MYO1D: variants seen among roughly 807,000 people sequenced by gnomAD.
MYO1D encodes the protein unconventional myosin-Id.
Under a neutral mutation model 122.0 loss-of-function variants are expected in MYO1D, and 83 were observed. The observed-to-expected ratio is 0.68, with a 90% confidence interval of 0.57 to 0.82. The LOEUF is 0.82. MYO1D is among the 40% of genes least tolerant of loss of function. The probability of loss-of-function intolerance (pLI) is 0.00; values close to 1 mark genes in which losing one functional copy is unlikely to be tolerated. For synonymous variants in MYO1D, 464 were observed against 446.9 expected (o/e 1.04, Z -0.48); for missense variants, 1,157 against 1,269.5 (o/e 0.91, Z 1.35).
At chr17:32,778,596 G>T in intron 2 of MYO1D, 23 bp from the exon 3 acceptor site, 1 of 1,573,108 alleles carries the variant, frequency 6.4e-7, no homozygotes, top group Non-Finnish European at 8.7e-7. Flanking sequence ...ATTGTTCAGG[G>T]CTTAACATAA....
At chr17:32,676,376 A>ATT (rs2088809587) in intron 16 of MYO1D, among the ~76,000 whole-genome samples, 1 of 147,454 alleles carries the variant, frequency 6.8e-6, no homozygotes, top group Non-Finnish European at 1.5e-5. Context: ...TGTCCATAAC[A>ATT]TGTTCATTAC....
At chr17:32,496,455 A>G (rs563751509) in intron 21 of MYO1D, among the ~76,000 whole-genome samples, 2 of 152,334 alleles carry the variant, frequency 1.3e-5, no homozygotes, top group Admixed American at 1.3e-4. Flanking sequence ...ATTTTTAACC[A>G]GACTTGGACA....
intron 1 of MYO1D, among the ~76,000 whole-genome samples, chr17:32,864,158 C>G (rs1257455835): frequency 6.6e-6 from 1 of 151,508 alleles, no homozygotes; most frequent in Non-Finnish European, 1.5e-5. Context: ...CCTTGGAACC[C>G]CACTATGCAG....
chr17:32,668,002 A>G (rs912443097), intron 16 of MYO1D, among the ~76,000 whole-genome samples: 1 of 152,236 alleles, frequency 6.6e-6, no homozygotes, highest in African/African-American at 2.4e-5. Flanking sequence ...CAGACAAATG[A>G]AAATAAAATT....
intron 21 of MYO1D, among the ~76,000 whole-genome samples, chr17:32,532,341 A>C (rs948110402): frequency 6.6e-6 from 1 of 152,248 alleles, no homozygotes; most frequent in African/African-American, 2.4e-5. Context: ...AGAAATTAAA[A>C]TATTCTTTGT....
At chr17:32,818,109 G>C (rs1307314053) in intron 1 of MYO1D, among the ~76,000 whole-genome samples, 1 of 63,370 alleles carries the variant, frequency 1.6e-5, no homozygotes, top group Non-Finnish European at 3.4e-5. Flanking sequence ...CTGGGCGACA[G>C]AGCGAGACTC....
At chr17:32,602,442 T>C (rs1258421688) in intron 21 of MYO1D, 3 of 152,226 alleles carry the variant, frequency 2.0e-5, no homozygotes, top group Non-Finnish European at 2.9e-5. Context: ...TTTGATCCTT[T>C]TGGGTCTTGC....
chr17:32,542,719 C>T (rs942938706), intron 21 of MYO1D, among the ~76,000 whole-genome samples: 32 of 151,906 alleles, frequency 2.1e-4, no homozygotes, highest in African/African-American at 7.7e-4. Context: ...ATTTCCTGAT[C>T]AATATATGAA....
chr17:32,765,639 T>A (rs1352486332), intron 7 of MYO1D, among the ~76,000 whole-genome samples: 1 of 152,074 alleles, frequency 6.6e-6, no homozygotes, highest in South Asian at 2.1e-4. Context: ...TTTGTATTTT[T>A]AGTAGAGACA....
intron 16 of MYO1D, among the ~76,000 whole-genome samples, chr17:32,678,870 C>A (rs922197382): frequency 2.0e-5 from 3 of 151,146 alleles, no homozygotes; most frequent in African/African-American, 4.9e-5. Context: ...TTTACAGTCC[C>A]ACCAACAGTG....
At chr17:32,520,274 T>C (rs1383783867) in intron 21 of MYO1D, among the ~76,000 whole-genome samples, 5 of 152,168 alleles carry the variant, frequency 3.3e-5, no homozygotes, top group African/African-American at 1.2e-4. Context: ...CTGAGGGTGA[T>C]GGACCCTGCC....
chr17:32,626,658 A>G (rs2087931571), intron 20 of MYO1D, among the ~76,000 whole-genome samples: 1 of 152,224 alleles, frequency 6.6e-6, no homozygotes, highest in South Asian at 2.1e-4. Flanking sequence ...ATTAAAAAAA[A>G]GAAAGCAGTT....
At chr17:32,504,448 G>T (rs1468555280) in intron 21 of MYO1D, 1 of 152,182 alleles carries the variant, frequency 6.6e-6, no homozygotes, top group South Asian at 2.1e-4. Flanking sequence ...CAAGCTCGTG[G>T]ATGCTAGTGC....
At chr17:32,533,173 G>A (rs1910564259) in intron 21 of MYO1D, among the ~76,000 whole-genome samples, 1 of 152,132 alleles carries the variant, frequency 6.6e-6, no homozygotes, top group African/African-American at 2.4e-5. Flanking sequence ...TTGATACTCA[G>A]GTAATTCCAT....
At chr17:32,709,655 C>A (rs1598028812) in intron 16 of MYO1D, among the ~76,000 whole-genome samples, 11 of 151,826 alleles carry the variant, frequency 7.2e-5, no homozygotes, top group Admixed American at 3.3e-4. Context: ...GAGCTCTAGG[C>A]AAAATAAATA....
chr17:32,817,395 C>T (rs371421080), intron 1 of MYO1D, among the ~76,000 whole-genome samples: 10 of 152,152 alleles, frequency 6.6e-5, no homozygotes, highest in East Asian at 5.8e-4. Flanking sequence ...GGAACAAGAA[C>T]ATATTTGTAC....
intron 20 of MYO1D, among the ~76,000 whole-genome samples, chr17:32,616,292 T>C (rs1228292044): frequency 1.3e-5 from 2 of 151,800 alleles, no homozygotes; most frequent in Non-Finnish European, 1.5e-5. Context: ...ATCTTGGGAG[T>C]GGGTAAGCAC....
intron 1 of MYO1D, among the ~76,000 whole-genome samples, chr17:32,844,399 A>G (rs2090915976): frequency 6.8e-6 from 1 of 146,920 alleles, no homozygotes; most frequent in Non-Finnish European, 1.5e-5. Context: ...ACTATATATA[A>G]TATGTATATA....
intron 21 of MYO1D, among the ~76,000 whole-genome samples, chr17:32,591,672 AAAAC>A (rs1196592491): frequency 4.6e-4 from 70 of 152,230 alleles, no homozygotes; most frequent in African/African-American, 1.6e-3. Flanking sequence ...ATCAAAAAAA[AAAAC>A]AAACCTACTT....
Sources: allele counts gnomAD v4.1 joint callset (sites outside exome capture counted in the v4.1 genomes callset), GRCh38; gene constraint gnomAD v4.1.1; transcripts MANE v1.5; gene names NCBI Gene and HGNC (gene_info 2026-07-23, HGNC 2026-07-21).